Variants in RIPOR2 observed in about 807,000 individuals in gnomAD.
RIPOR2 encodes RHO family interacting cell polarization regulator 2, also known as rho family-interacting cell polarization regulator 2.
A neutral mutation model predicts 114.5 loss-of-function variants in RIPOR2; 39 were observed. That is an observed-to-expected ratio of 0.34 (90% CI 0.26 to 0.44). The LOEUF (loss-of-function observed/expected upper bound fraction) is 0.44. Ranked by LOEUF, RIPOR2 falls within the 20% of genes least tolerant of loss-of-function variation. The pLI is 1.00. For missense variants in RIPOR2, 1,007 were observed against 1,255.1 expected (o/e 0.80, Z 2.99); for synonymous variants, 445 against 484.4 (o/e 0.92, Z 1.07).
At chr6:24,958,041 ATAACT>A (rs1386853237) in intron 1 of RIPOR2, among the ~76,000 whole-genome samples, 8 of 152,194 alleles carry the variant, frequency 5.3e-5, no homozygotes, top group East Asian at 3.8e-4. Context: ...CTTTTGAAAA[ATAACT>A]TAAGGATATA....
intron 19 of RIPOR2, among the ~76,000 whole-genome samples, chr6:24,821,188 T>G (rs1408792760): frequency 1.4e-5 from 2 of 145,680 alleles, no homozygotes; most frequent in Non-Finnish European, 3.0e-5. Context: ...AACACTGTTT[T>G]TTTTTTTTTT....
intron 1 of RIPOR2, among the ~76,000 whole-genome samples, chr6:24,963,059 C>G (rs1561810951): frequency 6.6e-6 from 1 of 152,088 alleles, no homozygotes; most frequent in Admixed American, 6.6e-5. Context: ...TTTTTTGAGA[C>G]AGAGTTTCGC....
chr6:24,962,020 A>T lies in RIPOR2; in HGVS notation c.76+79831T>A, dbSNP rs146135527. The stretch of plus-strand genomic sequence containing the variant: ...AAAGTATGGTCCAGAGAGGCTAAGC[A>T]CCTCACTCTAAGTCTCCCAGCCAGC... On this transcript the variant is annotated intron_variant, in intron 1 of 13. Transcript: ENST00000510784. 1.6e-4 allele frequency among the ~76,000 whole-genome samples: 24 copies of T among 152,260 alleles called. No individual in the cohort carries two copies. In the East Asian group the frequency reaches 4.2e-3, roughly 27 times the overall value.
intron 17 of RIPOR2, among the ~76,000 whole-genome samples, chr6:24,828,822 GAA>G (rs142909009): frequency 0.037 from 5,607 of 152,106 alleles, 317 homozygotes; most frequent in African/African-American, 0.12. Context: ...GAAGGGAAGA[GAA>G]AGAAAGGGAA....
intron 1 of RIPOR2, among the ~76,000 whole-genome samples, chr6:24,941,385 A>C (rs1016862930): frequency 6.6e-5 from 10 of 152,106 alleles, no homozygotes; most frequent in Non-Finnish European, 1.5e-4. Flanking sequence ...GAAAAAAAAA[A>C]AAGCATATAA....
At chr6:25,032,301 AT>A (rs1261458263) in intron 1 of RIPOR2, among the ~76,000 whole-genome samples, 1 of 152,030 alleles carries the variant, frequency 6.6e-6, no homozygotes, top group Non-Finnish European at 1.5e-5. Flanking sequence ...GTTAGCAAGT[AT>A]CTCAGACTCC....
intron 1 of RIPOR2, among the ~76,000 whole-genome samples, chr6:24,987,589 C>A (rs1175488357): frequency 6.6e-6 from 1 of 152,138 alleles, no homozygotes; most frequent in Admixed American, 6.5e-5. Flanking sequence ...AGATGGAGTC[C>A]ATTAAGATGC....
At chr6:24,988,896 G>A (rs1024353206) in intron 1 of RIPOR2, among the ~76,000 whole-genome samples, 2 of 152,164 alleles carry the variant, frequency 1.3e-5, no homozygotes, top group Admixed American at 6.5e-5. Flanking sequence ...AGACTATATG[G>A]ATCAAACACT....
chr6:24,996,171 T>C (rs1345507228), intron 1 of RIPOR2, among the ~76,000 whole-genome samples: 1 of 152,244 alleles, frequency 6.6e-6, no homozygotes. Flanking sequence ...CAATGTTTCC[T>C]TATTGTCCCT....
At chr6:24,820,551 C>T (rs1759595372) in intron 19 of RIPOR2, among the ~76,000 whole-genome samples, 1 of 152,166 alleles carries the variant, frequency 6.6e-6, no homozygotes, top group African/African-American at 2.4e-5. Context: ...TCGCTGGCAA[C>T]CACTAATCTA....
intron 12 of RIPOR2, among the ~76,000 whole-genome samples, chr6:24,846,357 A>C (rs1762285063): frequency 1.6e-5 from 2 of 122,752 alleles, no homozygotes; most frequent in Non-Finnish European, 3.1e-5. Context: ...TCCAGACTGG[A>C]CTGCAGTGGT....
At chr6:24,962,528 A>C (rs1401412827) in intron 1 of RIPOR2, among the ~76,000 whole-genome samples, 1 of 152,200 alleles carries the variant, frequency 6.6e-6, no homozygotes, top group Non-Finnish European at 1.5e-5. Flanking sequence ...AAGAATGTTT[A>C]ATCTACTAGT....
chr6:24,890,239 A>G (rs1355832902), intron 1 of RIPOR2, among the ~76,000 whole-genome samples: 1 of 152,206 alleles, frequency 6.6e-6, no homozygotes, highest in East Asian at 1.9e-4. Flanking sequence ...TAGCAAAACT[A>G]TGAGATCAAC....
intron 18 of RIPOR2, among the ~76,000 whole-genome samples, chr6:24,826,441 C>T (rs546023999): frequency 6.6e-6 from 1 of 151,764 alleles, no homozygotes; most frequent in Admixed American, 6.6e-5. Flanking sequence ...AATTCATGCT[C>T]CATGAATAAA....
chr6:25,034,336 G>A (rs1297783533), intron 1 of RIPOR2, among the ~76,000 whole-genome samples: 1 of 150,048 alleles, frequency 6.7e-6, no homozygotes, highest in African/African-American at 2.5e-5. Flanking sequence ...GTAGGAGGGG[G>A]TAAGGGGTGT....
intron 1 of RIPOR2, among the ~76,000 whole-genome samples, chr6:24,967,026 T>C (rs1275448106): frequency 6.6e-6 from 1 of 152,186 alleles, no homozygotes; most frequent in African/African-American, 2.4e-5. Context: ...ACGGACAGAA[T>C]GTCTTCCCCC....
chr6:24,836,473 T>C (rs1761120189), intron 14 of RIPOR2, among the ~76,000 whole-genome samples: 1 of 152,212 alleles, frequency 6.6e-6, no homozygotes, highest in Admixed American at 6.5e-5. Flanking sequence ...TGAAGTTATA[T>C]CATGGTAGGC....
chr6:24,933,358 A>C (rs1391352346), intron 1 of RIPOR2, among the ~76,000 whole-genome samples: 1 of 152,214 alleles, frequency 6.6e-6, no homozygotes, highest in Admixed American at 6.5e-5. Context: ...AGGCACAGAG[A>C]GATTAGGTAA....
chr6:24,877,090 T>G lies in RIPOR2; in HGVS notation c.62-1273A>C, dbSNP rs1765856174. The G allele has an allele frequency of 3.0e-6, 3 of 985,248 alleles. No homozygotes were observed. The South Asian group carries it at 1.4e-4, about 46-fold the overall frequency. 61.0% of individuals were successfully genotyped at this position (985,248 alleles called of 1,614,324 possible). Reference sequence around the variant, plus strand: ...GTTTGCAGAGTGTCGACAATTGCCCTTTAAAGACTCAAAGAAAGAAAAGCT... The same window carrying G: ...GTTTGCAGAGTGTCGACAATTGCCCGTTAAAGACTCAAAGAAAGAAAAGCT... On this transcript the variant is annotated intron_variant, in intron 1 of 21. Coordinates refer to ENST00000643898, the MANE Select transcript of RIPOR2 (RefSeq NM_001286445.3).
Sources: gnomAD v4.1 joint callset for allele counts (sites outside exome capture counted in the v4.1 genomes callset) on GRCh38, gnomAD v4.1.1 for gene constraint, MANE v1.5 for transcripts, NCBI Gene and HGNC (gene_info 2026-07-23, HGNC 2026-07-21) for gene names.